The following ANO6 variants were observed in gnomAD, a reference collection of about 807,000 sequenced individuals.
ANO6 encodes anoctamin-6.
In ANO6, 106 loss-of-function variants were observed where a neutral mutation model predicts 117.5. That is an observed-to-expected ratio of 0.90 (90% CI 0.77 to 1.06). ANO6 has a LOEUF of 1.06. Ranked by LOEUF, ANO6 falls within the 50% of genes least tolerant of loss-of-function variation. ANO6 has a pLI of 0.00. For synonymous variants in ANO6, 367 were observed against 385.1 expected, an observed-to-expected ratio of 0.95 and a Z score of 0.55; for missense variants, 955 against 1,121.1, an observed-to-expected ratio of 0.85 and a Z score of 2.12.
intron 19 of ANO6, among the ~76,000 whole-genome samples, chr12:45,438,435 AC>A (rs1353609035): frequency 1.3e-5 from 2 of 152,096 alleles, no homozygotes; most frequent in Non-Finnish European, 2.9e-5. Context: ...AAAATCAGAA[AC>A]TTTTTGAGTG....
Position 45,341,948 on chromosome 12 carries a change from G to T in ANO6, c.280-5074G>T, listed in dbSNP as rs552069469. Reference sequence around the variant, plus strand: ...ATCTACAGCGCTTATCATATGCCAAGCATCATGCCGAGTGCTTTATGCCCA... The same window carrying T: ...ATCTACAGCGCTTATCATATGCCAATCATCATGCCGAGTGCTTTATGCCCA... On this transcript the variant is annotated intron_variant, in intron 3 of 19. Transcript: ENST00000320560. Among the ~76,000 whole-genome samples, 14 of 152,252 alleles carry T rather than the reference G, an allele frequency of 9.2e-5. No individual in the cohort carries two copies. In the East Asian group the frequency reaches 2.7e-3, roughly 29 times the overall value.
At chr12:45,273,636 G>A (rs2137238559) in intron 1 of ANO6, among the ~76,000 whole-genome samples, 1 of 152,290 alleles carries the variant, frequency 6.6e-6, no homozygotes, top group Middle Eastern at 3.4e-3. Flanking sequence ...GAAAAATGTA[G>A]GAATTTGTAG....
At chr12:45,343,059 G>T (rs1941026158) in intron 3 of ANO6, among the ~76,000 whole-genome samples, 1 of 152,132 alleles carries the variant, frequency 6.6e-6, no homozygotes, top group African/African-American at 2.4e-5. Context: ...GAGGTCACTT[G>T]CGAGCATGCT....
rs974218116 is a variant in ANO6, at chr12:45,343,089, G to C, written c.280-3933G>C. Among the ~76,000 whole-genome samples, 15 of 152,282 alleles carry C rather than the reference G, an allele frequency of 9.9e-5. No individual in the cohort carries two copies. In the East Asian group the frequency reaches 2.7e-3, roughly 28 times the overall value. On this transcript the variant is annotated intron_variant, in intron 3 of 19. Coordinates refer to ENST00000320560, the MANE Select transcript of ANO6 (RefSeq NM_001025356.3). Reference sequence around the variant, plus strand: ...CATGCTGGGCTGGAAGTTAGGTAATGAGCGTAAGGAGCACCTTAAAAGTTT... The same window carrying C: ...CATGCTGGGCTGGAAGTTAGGTAATCAGCGTAAGGAGCACCTTAAAAGTTT...
chr12:45,219,613 G>C (rs1304704595), intron 1 of ANO6, among the ~76,000 whole-genome samples: 1 of 151,702 alleles, frequency 6.6e-6, no homozygotes, highest in Non-Finnish European at 1.5e-5. Context: ...CAAAGTGCTG[G>C]GATTACAGGT....
At chr12:45,359,576 T>C (rs1248676780) in intron 8 of ANO6, among the ~76,000 whole-genome samples, 1 of 152,256 alleles carries the variant, frequency 6.6e-6, no homozygotes, top group Admixed American at 6.5e-5. Context: ...CTTCTTTCAT[T>C]TCACCTACTG....
Position 45,431,115 on chromosome 12 carries a change from G to T in ANO6, c.*1804G>T. ...CTTTTGAATTGTCCCAGTGGATCCG[G>T]GACCCCATTTCACTGTCTCTCTTGA... On this transcript the variant is annotated 3_prime_UTR_variant, in exon 20 of 20. Transcript: ENST00000320560. 1 of 985,382 alleles carries T rather than the reference G, an allele frequency of 1.0e-6. No homozygotes were observed. The highest frequency in any genetic ancestry group is 1.2e-6 in the Non-Finnish European group (1 of 829,936). The allele number at this position is 985,382 out of a possible 1,614,324, so 61.0% of individuals were successfully genotyped here. A position where few individuals can be genotyped will look rare whatever the true frequency, so the allele number is the denominator to read the frequency against.
chr12:45,332,513 T>C (rs1442725939), intron 3 of ANO6, among the ~76,000 whole-genome samples: 1 of 152,080 alleles, frequency 6.6e-6, no homozygotes, highest in African/African-American at 2.4e-5. Flanking sequence ...ATTTGCATGG[T>C]GGAATAGAAT....
chr12:45,382,215 T>G (rs1404273305), intron 10 of ANO6, among the ~76,000 whole-genome samples: 1 of 152,142 alleles, frequency 6.6e-6, no homozygotes, highest in East Asian at 1.9e-4. Context: ...AAAATGAGAA[T>G]GGGTTAGAAA....
chr12:45,386,001 G>T (rs1469937265), intron 10 of ANO6, among the ~76,000 whole-genome samples: 1 of 152,090 alleles, frequency 6.6e-6, no homozygotes, highest in Non-Finnish European at 1.5e-5. Flanking sequence ...ATTTCATTCT[G>T]GCTCTCTTCA....
At chr12:45,395,537 A>G (rs540838962) in intron 12 of ANO6, among the ~76,000 whole-genome samples, 106 of 152,296 alleles carry the variant, frequency 7.0e-4, no homozygotes, top group African/African-American at 2.5e-3. Context: ...AGACACAACA[A>G]AAAAAGAGAA....
chr12:45,418,065 C>G (rs1362318343), intron 17 of ANO6, among the ~76,000 whole-genome samples: 45 of 152,308 alleles, frequency 3.0e-4, no homozygotes. Flanking sequence ...AGCCTCGTTT[C>G]TATTGAATGT....
chr12:45,431,357 A>G lies in ANO6; in HGVS notation c.*2046A>G. ...CTTCTCTTCTCTGAAGTGTGTGACT[A>G]TCTCCTAGTGTTTAAATTTGGCAGT... On this transcript the variant is annotated 3_prime_UTR_variant, in exon 20 of 20. Transcript: ENST00000320560. 2.0e-6 allele frequency: 2 copies of G among 985,358 alleles called. No homozygotes were observed. Among genetic ancestry groups the G allele is most frequent in the African/African-American group, 1.7e-5 (1 of 57,324 alleles). The allele number at this position is 985,358 out of a possible 1,614,324, so 61.0% of individuals were successfully genotyped here.
chr12:45,270,981 A>G (rs1275275541), intron 1 of ANO6, among the ~76,000 whole-genome samples: 1 of 152,112 alleles, frequency 6.6e-6, no homozygotes, highest in African/African-American at 2.4e-5. Flanking sequence ...CGGCCTCCCA[A>G]AGTGTGGGGA....
At chr12:45,310,122 G>A (rs1362339112) in intron 2 of ANO6, among the ~76,000 whole-genome samples, 1 of 152,112 alleles carries the variant, frequency 6.6e-6, no homozygotes, top group Non-Finnish European at 1.5e-5. Context: ...TGAGTCAAAA[G>A]CTAAATTTAT....
At chr12:45,412,301 A>C (rs2137667585) in intron 16 of ANO6, among the ~76,000 whole-genome samples, 1 of 152,312 alleles carries the variant, frequency 6.6e-6, no homozygotes, top group African/African-American at 2.4e-5. Context: ...AAGTGCCATA[A>C]ACAGAGTGCA....
rs796483769 is a variant in ANO6, at chr12:45,318,735, A to G, written c.151-12560A>G. ...TGGGCAGTATGGCCATTTTCATGAT[A>G]TTGATTCTTCCTACCCATGAGCATG... is the stretch of plus-strand genomic sequence containing the variant. On this transcript the variant is annotated intron_variant, in intron 2 of 19. Coordinates refer to ENST00000320560, the MANE Select transcript of ANO6 (RefSeq NM_001025356.3). Among the ~76,000 whole-genome samples the G allele has an allele frequency of 4.6e-5, 7 of 152,180 alleles. No homozygotes were observed. The South Asian group carries it at 8.3e-4, about 18-fold the overall frequency.
intron 12 of ANO6, among the ~76,000 whole-genome samples, chr12:45,393,841 A>G (rs934035417): frequency 2.0e-5 from 3 of 152,188 alleles, no homozygotes; most frequent in African/African-American, 7.2e-5. Context: ...AGCTCCTGAA[A>G]CAAGCACTAA....
intron 10 of ANO6, among the ~76,000 whole-genome samples, chr12:45,383,664 T>C (rs1250689234): frequency 6.6e-6 from 1 of 152,232 alleles, no homozygotes; most frequent in Admixed American, 6.5e-5. Flanking sequence ...AGTGGATGCA[T>C]TGCCAATGAG....
Sources: allele counts gnomAD v4.1 joint callset (sites outside exome capture counted in the v4.1 genomes callset), GRCh38; gene constraint gnomAD v4.1.1; transcripts MANE v1.5; gene names NCBI Gene and HGNC (gene_info 2026-07-23, HGNC 2026-07-21).